AFAP1: variants seen among roughly 807,000 people sequenced by gnomAD.
AFAP1 encodes actin filament-associated protein 1.
Under a neutral mutation model 93.9 loss-of-function variants are expected in AFAP1, and 75 were observed. The observed-to-expected ratio is 0.80, with a 90% confidence interval of 0.66 to 0.97. AFAP1 has a LOEUF of 0.97. Ranked by LOEUF, AFAP1 falls within the 50% of genes least tolerant of loss-of-function variation. AFAP1 has a pLI of 0.00. For synonymous variants in AFAP1, 517 were observed against 430.7 expected (o/e 1.20, Z -2.48); for missense variants, 1,201 against 1,050.8 (o/e 1.14, Z -1.98).
chr4:7,796,375 C>T (rs149090822), intron 10 of AFAP1, among the ~76,000 whole-genome samples: 5 of 152,152 alleles, frequency 3.3e-5, no homozygotes, highest in African/African-American at 1.2e-4. Context: ...CAGCCAGCTC[C>T]GAGGGCCTCC....
At chr4:7,798,026 A>C (rs1718606941) in intron 10 of AFAP1, among the ~76,000 whole-genome samples, 1 of 152,226 alleles carries the variant, frequency 6.6e-6, no homozygotes, top group East Asian at 1.9e-4. Context: ...CTCTGAAATT[A>C]TCTCAAAACA....
At chr4:7,834,128 C>CAT (rs1553842868) in intron 6 of AFAP1, among the ~76,000 whole-genome samples, 82 of 119,488 alleles carry the variant, frequency 6.9e-4, no homozygotes, top group Admixed American at 1.3e-3. Flanking sequence ...CACACACACA[C>CAT]ATATATACAA....
intron 1 of AFAP1, among the ~76,000 whole-genome samples, chr4:7,902,208 A>G (rs1490261953): frequency 1.3e-5 from 2 of 152,220 alleles, no homozygotes; most frequent in Non-Finnish European, 2.9e-5. Context: ...ATCAGTTCTC[A>G]GCGGGCTTCC....
At chr4:7,789,211 CT>C (rs1717598767) in intron 11 of AFAP1, among the ~76,000 whole-genome samples, 1 of 152,106 alleles carries the variant, frequency 6.6e-6, no homozygotes. Flanking sequence ...TGCTTGGTGT[CT>C]TTCCACAATA....
Position 7,823,102 on chromosome 4 carries a change from GT to G in AFAP1, c.727-3932del, listed in dbSNP as rs1721118242. 2.0e-5 allele frequency among the ~76,000 whole-genome samples: 3 copies of G among 152,082 alleles called. No homozygotes were observed. The South Asian group carries it at 6.2e-4, about 32-fold the overall frequency. ...TCAGGAAGCCTGCTCTGGCCCTTCT[GT>G]GTGGTCCATAAGGCAGGGCTCCCCC... On this transcript the variant is annotated intron_variant, in intron 6 of 17. Coordinates refer to ENST00000420658, the MANE Select transcript of AFAP1 (RefSeq NM_001134647.2).
intron 6 of AFAP1, among the ~76,000 whole-genome samples, chr4:7,827,157 C>T (rs1371759257): frequency 6.6e-6 from 1 of 152,004 alleles, no homozygotes; most frequent in Non-Finnish European, 1.5e-5. Flanking sequence ...AGCCCGAGTA[C>T]AGGTAAATAG....
intron 17 of AFAP1, among the ~76,000 whole-genome samples, chr4:7,767,255 C>T (rs944617132): frequency 5.9e-5 from 9 of 152,324 alleles, no homozygotes; most frequent in South Asian, 4.1e-4. Context: ...CAGGATCACT[C>T]GCTTCCCATT....
At chr4:7,842,906 TG>T (rs1195044888) in intron 5 of AFAP1, 1 of 524,310 alleles carries the variant, frequency 1.9e-6, no homozygotes, top group Non-Finnish European at 3.4e-6. Flanking sequence ...TTTTGTTCGC[TG>T]GCTGCTTTTG....
At chr4:7,866,623 T>C (rs964543812) in intron 3 of AFAP1, among the ~76,000 whole-genome samples, 1 of 151,848 alleles carries the variant, frequency 6.6e-6, no homozygotes, top group Non-Finnish European at 1.5e-5. Flanking sequence ...AAAGAAAAAA[T>C]GAAAATAAGC....
In AFAP1 at chr4:7,819,235, G is replaced by C. The variant is rs184059883; in HGVS notation, c.727-64C>G. Reference sequence around the variant, plus strand: ...GCAGAGATACTTAAAGGCTTGAACTGTGAGTTGTACAGACAGAGGCACATG... The same window carrying C: ...GCAGAGATACTTAAAGGCTTGAACTCTGAGTTGTACAGACAGAGGCACATG... On this transcript the variant is annotated intron_variant, in intron 6 of 17. Coordinates refer to ENST00000420658, the MANE Select transcript of AFAP1 (RefSeq NM_001134647.2). The C allele has an allele frequency of 1.3e-4, 190 of 1,445,310 alleles. No homozygotes were observed. In the African/African-American group the frequency reaches 2.4e-3, roughly 18 times the overall value. The allele number at this position is 1,445,310 out of a possible 1,614,324, so 89.5% of individuals were successfully genotyped here. A position where few individuals can be genotyped will look rare whatever the true frequency, so the allele number is the denominator to read the frequency against.
intron 15 of AFAP1, 111 bp from the exon 16 acceptor site, chr4:7,773,121 T>A (rs1434634731): frequency 1.4e-6 from 2 of 1,447,442 alleles, no homozygotes; most frequent in Non-Finnish European, 1.8e-6. Flanking sequence ...GAGGTCGAGC[T>A]CCCCTGACTT....
intron 6 of AFAP1, among the ~76,000 whole-genome samples, chr4:7,828,552 T>A (rs1281181603): frequency 6.6e-6 from 1 of 152,132 alleles, no homozygotes; most frequent in East Asian, 1.9e-4. Flanking sequence ...CTATCCGGCC[T>A]GTTCTCTGCA....
chr4:7,894,025 G>A (rs574518264), intron 1 of AFAP1, among the ~76,000 whole-genome samples: 1 of 152,304 alleles, frequency 6.6e-6, no homozygotes, highest in East Asian at 1.9e-4. Flanking sequence ...AGACAGCACA[G>A]TAAGAACAAT....
At chr4:7,863,932 A>C (rs1246049097) in intron 3 of AFAP1, among the ~76,000 whole-genome samples, 2 of 69,820 alleles carry the variant, frequency 2.9e-5, no homozygotes, top group Admixed American at 1.9e-4. Context: ...TCAATGGCTT[A>C]CTGTTGCTTT....
intron 9 of AFAP1, among the ~76,000 whole-genome samples, chr4:7,800,937 A>C (rs1718964401): frequency 6.6e-6 from 1 of 152,164 alleles, no homozygotes; most frequent in African/African-American, 2.4e-5. Flanking sequence ...TTGATGTGGG[A>C]CTATGGAATT....
intron 3 of AFAP1, among the ~76,000 whole-genome samples, chr4:7,861,251 T>C (rs1715643852): frequency 6.6e-6 from 1 of 152,190 alleles, no homozygotes; most frequent in African/African-American, 2.4e-5. Context: ...GCGAAACCCT[T>C]TTCTAACTGA....
chr4:7,856,598 C>A (rs1715106366), intron 3 of AFAP1, among the ~76,000 whole-genome samples: 1 of 152,126 alleles, frequency 6.6e-6, no homozygotes, highest in South Asian at 2.1e-4. Flanking sequence ...GAAGCCATAG[C>A]CTTAGAATAT....
intron 6 of AFAP1, among the ~76,000 whole-genome samples, chr4:7,838,170 A>T (rs1320498818): frequency 2.0e-5 from 3 of 152,248 alleles, no homozygotes; most frequent in Non-Finnish European, 4.4e-5. Flanking sequence ...TCCCAAACTT[A>T]GAAAGATAAA....
chr4:7,834,128 C>CACACACACACACACAT (rs756961714), intron 6 of AFAP1, among the ~76,000 whole-genome samples: 9,313 of 118,568 alleles, frequency 0.079, 429 homozygotes, highest in Non-Finnish European at 0.1. Flanking sequence ...CACACACACA[C>CACACACACACACACAT]ATATATACAA....
Sources: gnomAD v4.1 joint callset for allele counts (sites outside exome capture counted in the v4.1 genomes callset) on GRCh38, gnomAD v4.1.1 for gene constraint, MANE v1.5 for transcripts, NCBI Gene and HGNC (gene_info 2026-07-23, HGNC 2026-07-21) for gene names.